The following PTPRN2 variants were observed in gnomAD, a reference collection of about 807,000 sequenced individuals.
PTPRN2 encodes receptor-type tyrosine-protein phosphatase N2.
PTPRN2 carries 74 observed loss-of-function variants against 118.8 expected under a neutral mutation model. The ratio of observed to expected loss-of-function variants is 0.62; its 90% CI spans 0.52 to 0.76. The LOEUF (loss-of-function observed/expected upper bound fraction) is 0.76. PTPRN2 is among the 30% of genes least tolerant of loss of function. The pLI is 0.00. For synonymous variants in PTPRN2, 641 were observed against 608.0 expected, an observed-to-expected ratio of 1.05 and a Z score of -0.80; for missense variants, 1,481 against 1,394.4, an observed-to-expected ratio of 1.06 and a Z score of -0.99.
rs1351237142 is a variant in PTPRN2 at position 158,126,503 on chromosome 7, C to T, written c.1556+7174G>A. ...CCACACCAGCCCCCAGGACAGCGGG[C>T]GGCGGAACTTCCTCTCCGCCACACC... On this transcript the variant is annotated intron_variant, in intron 9 of 22. Transcript: ENST00000389418. Among the ~76,000 whole-genome samples the T allele has an allele frequency of 3.1e-3, 176 of 55,888 alleles. 2 individuals are homozygous for T. Among genetic ancestry groups the T allele is most frequent in the Middle Eastern group, 0.012 (1 of 84 alleles). The allele number at this position is 55,888 out of a possible 152,430, so 36.7% of individuals were successfully genotyped here.
At position 157,787,028 on chromosome 7, in the gene PTPRN2, G is replaced by A. The variant is rs1371058896; in HGVS notation, c.1789-104091C>T. 4.0e-5 allele frequency among the ~76,000 whole-genome samples: 6 copies of A among 149,830 alleles called. No homozygotes were observed. The highest frequency in any genetic ancestry group is 4.2e-4 in the South Asian group (2 of 4,792). On this transcript the variant is annotated intron_variant, in intron 12 of 22. Transcript: ENST00000389418. This position sits in a 1 kb window ranked among gnomAD's most constrained non-coding sequence, Gnocchi z 5.3. ...AGGGGCAGGAGGCGGACACAGGTGC[G>A]GCGGGGGACGCGGGGGTGGCTGCCC...
intron 2 of PTPRN2, among the ~76,000 whole-genome samples, chr7:158,361,463 G>A (rs1429060368): frequency 7.2e-5 from 11 of 152,194 alleles, no homozygotes; most frequent in African/African-American, 2.4e-4. Flanking sequence ...GGAGAAGGAC[G>A]CTGTGAAAAC....
rs1441316896 is a variant in PTPRN2 at position 157,787,389 on chromosome 7, A to C, written c.1789-104452T>G. On this transcript the variant is annotated intron_variant, in intron 12 of 22. Coordinates refer to ENST00000389418, the MANE Select transcript of PTPRN2 (RefSeq NM_002847.5). The surrounding 1 kb of genome is among the most constrained non-coding windows in gnomAD (Gnocchi z 5.3). Reference sequence around the variant, plus strand: ...GGCCTCTGCTGGGAGTGACATCTGAAGATGCCATAGAAAGTCTGGCGCAGC... The same window carrying C: ...GGCCTCTGCTGGGAGTGACATCTGACGATGCCATAGAAAGTCTGGCGCAGC... Among the ~76,000 whole-genome samples, 1 of 152,088 alleles carries C rather than the reference A, an allele frequency of 6.6e-6. No individual in the cohort carries two copies. The highest frequency in any genetic ancestry group is 1.5e-5 in the Non-Finnish European group (1 of 67,998).
At chr7:158,340,148 C>T (rs1288198641) in intron 2 of PTPRN2, among the ~76,000 whole-genome samples, 1 of 84,346 alleles carries the variant, frequency 1.2e-5, no homozygotes, top group African/African-American at 4.1e-5. Flanking sequence ...CACTCACACC[C>T]ACACTCTCAC....
At chr7:158,129,659 G>A (rs929225520) in intron 9 of PTPRN2, among the ~76,000 whole-genome samples, 1 of 152,092 alleles carries the variant, frequency 6.6e-6, no homozygotes, top group East Asian at 1.9e-4. Context: ...GGAGGGAGAC[G>A]TCCACAGCAC....
intron 12 of PTPRN2, among the ~76,000 whole-genome samples, chr7:157,707,018 T>C (rs543448089): frequency 6.6e-6 from 1 of 152,296 alleles, no homozygotes; most frequent in Non-Finnish European, 1.5e-5. Flanking sequence ...GCCTTCCGGA[T>C]CAAGGTGGAC....
At chr7:157,593,559 AT>A (rs1801119579) in intron 17 of PTPRN2, among the ~76,000 whole-genome samples, 1 of 152,230 alleles carries the variant, frequency 6.6e-6, no homozygotes, top group African/African-American at 2.4e-5. Flanking sequence ...CTCCGTGGGT[AT>A]TCTCTGCCCG....
intron 3 of PTPRN2, among the ~76,000 whole-genome samples, chr7:158,300,984 G>A (rs568925638): frequency 6.6e-6 from 1 of 152,298 alleles, no homozygotes; most frequent in East Asian, 1.9e-4. Context: ...TTCTGCATGT[G>A]AATTAAATGT....
rs117799948 is a variant in PTPRN2, at chr7:158,496,557, C to T, written c.113-6772G>A. Among the ~76,000 whole-genome samples the T allele has an allele frequency of 7.6e-3, 35 of 4,630 alleles. 4 individuals carry two copies. In the East Asian group the frequency reaches 0.11, roughly 14 times the overall value. The allele number at this position is 4,630 out of a possible 152,430, so 3.0% of individuals were successfully genotyped here. On this transcript the variant is annotated intron_variant, in intron 1 of 22. Transcript: ENST00000389418. The stretch of plus-strand genomic sequence containing the variant: ...TCCCTGCACCCCTTCCTCTTCCCTG[C>T]GCCCCCTCCCCTTCCCTGCAGGCCT...
intron 12 of PTPRN2, among the ~76,000 whole-genome samples, chr7:157,709,381 GTCC>G (rs933026696): frequency 6.6e-6 from 1 of 152,184 alleles, no homozygotes; most frequent in African/African-American, 2.4e-5. Flanking sequence ...TTCAGTCCTG[GTCC>G]TCCTGCGGGT....
At chr7:158,171,826 GT>G (rs1421230880) in intron 5 of PTPRN2, among the ~76,000 whole-genome samples, 1 of 152,144 alleles carries the variant, frequency 6.6e-6, no homozygotes, top group Non-Finnish European at 1.5e-5. Context: ...ATGAAGGGAG[GT>G]TTCCTAAGAC....
At chr7:158,183,172 A>G (rs1191266897) in intron 5 of PTPRN2, among the ~76,000 whole-genome samples, 2 of 152,138 alleles carry the variant, frequency 1.3e-5, no homozygotes, top group Non-Finnish European at 2.9e-5. Context: ...TTAACTTTAT[A>G]TGCATCTTTA....
At chr7:158,326,442 G>A (rs752002173) in intron 2 of PTPRN2, among the ~76,000 whole-genome samples, 60 of 152,240 alleles carry the variant, frequency 3.9e-4, no homozygotes, top group Non-Finnish European at 7.1e-4. Flanking sequence ...GAGAATTAAT[G>A]CACACTTGTA....
intron 11 of PTPRN2, among the ~76,000 whole-genome samples, chr7:157,971,557 T>C (rs1239292413): frequency 6.6e-6 from 1 of 152,092 alleles, no homozygotes. Context: ...GGAACCCCCC[T>C]GGAACGTTCC....
At position 157,644,980 on chromosome 7, in the gene PTPRN2, C is replaced by A. The variant is rs111802573; in HGVS notation, c.2196+11377G>T. Among the ~76,000 whole-genome samples, 326 of 152,370 alleles carry A rather than the reference C, an allele frequency of 2.1e-3. 2 individuals carry two copies. Among genetic ancestry groups the A allele is most frequent in the African/African-American group, 7.5e-3 (310 of 41,588 alleles). On this transcript the variant is annotated intron_variant, in intron 14 of 22. Coordinates refer to ENST00000389418, the MANE Select transcript of PTPRN2 (RefSeq NM_002847.5). The stretch of plus-strand genomic sequence containing the variant: ...GGACAGGACAAGAACTCTCAGAGGG[C>A]TTTCTCTTTCTCCTTGGTCTTCCTA...
At chr7:158,429,091 G>A (rs563982510) in intron 2 of PTPRN2, among the ~76,000 whole-genome samples, 39 of 152,268 alleles carry the variant, frequency 2.6e-4, no homozygotes, top group Admixed American at 1.7e-3. Context: ...AACCGTAATA[G>A]TCTCATCTAA....
chr7:158,450,239 C>T (rs765931902), intron 2 of PTPRN2, among the ~76,000 whole-genome samples: 14 of 152,378 alleles, frequency 9.2e-5, no homozygotes, highest in South Asian at 4.1e-4. Flanking sequence ...AACTCAATCA[C>T]GGCCCAAAGG....
rs1407949230 is a variant in PTPRN2, at chr7:157,845,558, C to G, written c.1788+53115G>C. 1.3e-5 allele frequency among the ~76,000 whole-genome samples: 2 copies of G among 152,210 alleles called. No individual in the cohort carries two copies. Among genetic ancestry groups the G allele is most frequent in the African/African-American group, 4.8e-5 (2 of 41,454 alleles). ...CCGGTGAACCATGCAGCCTAACTCACCACGTTCCCGGCCACACAGGGCCAA... is the reference window on the plus strand; with the variant it reads ...CCGGTGAACCATGCAGCCTAACTCAGCACGTTCCCGGCCACACAGGGCCAA... On this transcript the variant is annotated intron_variant, in intron 12 of 22. Coordinates refer to ENST00000389418, the MANE Select transcript of PTPRN2 (RefSeq NM_002847.5). The surrounding 1 kb of genome is among the most constrained non-coding windows in gnomAD (Gnocchi z 4.5).
intron 1 of PTPRN2, among the ~76,000 whole-genome samples, chr7:158,548,040 C>A (rs1446294502): frequency 6.6e-6 from 1 of 152,236 alleles, no homozygotes; most frequent in Non-Finnish European, 1.5e-5. Flanking sequence ...GGCCAGACAT[C>A]CAGCAGGTTT....
Sources: allele counts gnomAD v4.1 joint callset (sites outside exome capture counted in the v4.1 genomes callset), GRCh38; gene constraint gnomAD v4.1.1; non-coding constraint Gnocchi (gnomAD v3.1); transcripts MANE v1.5; gene names NCBI Gene and HGNC (gene_info 2026-07-23, HGNC 2026-07-21).